The following R3HDM2 variants were observed in gnomAD, a reference collection of about 807,000 sequenced individuals.
The protein encoded by R3HDM2 is R3H domain-containing protein 2.
R3HDM2 carries 38 observed loss-of-function variants against 124.5 expected under a neutral mutation model. The observed-to-expected ratio is 0.31, with a 90% CI of 0.24 to 0.40. R3HDM2 has a LOEUF of 0.40. Ranked by LOEUF, R3HDM2 falls within the 10% of genes least tolerant of loss-of-function variation. R3HDM2 has a pLI of 1.00. For missense variants in R3HDM2, 869 were observed against 1,236.9 expected (o/e 0.70, Z 4.46); for synonymous variants, 391 against 448.0 (o/e 0.87, Z 1.61).
chr12:57,328,170 C>T (rs1205016569), intron 2 of R3HDM2, among the ~76,000 whole-genome samples: 1 of 151,648 alleles, frequency 6.6e-6, no homozygotes, highest in Non-Finnish European at 1.5e-5. Flanking sequence ...CTCCCAGGCT[C>T]AGGCGATCCT....
intron 1 of R3HDM2, among the ~76,000 whole-genome samples, chr12:57,414,039 G>A (rs955874417): frequency 2.7e-5 from 4 of 150,320 alleles, no homozygotes; most frequent in South Asian, 2.1e-4. Flanking sequence ...AGTAGAGAGC[G>A]GGTTTCATCA....
intron 2 of R3HDM2, among the ~76,000 whole-genome samples, chr12:57,389,621 G>A (rs890935084): frequency 1.3e-5 from 2 of 152,126 alleles, no homozygotes; most frequent in Non-Finnish European, 2.9e-5. Context: ...AAATAATAAA[G>A]CTCAGAGAGA....
intron 2 of R3HDM2, among the ~76,000 whole-genome samples, chr12:57,380,597 AC>A (rs1387386354): frequency 2.0e-5 from 3 of 152,206 alleles, no homozygotes; most frequent in Non-Finnish European, 4.4e-5. Context: ...TGATTCCGAA[AC>A]TTGTCTACAA....
intron 14 of R3HDM2, among the ~76,000 whole-genome samples, chr12:57,278,321 C>T (rs1273669430): frequency 6.6e-6 from 1 of 152,142 alleles, no homozygotes; most frequent in Non-Finnish European, 1.5e-5. Flanking sequence ...GGGCCAGTCA[C>T]TTGGACATTC....
At chr12:57,421,161 CTTTT>C (rs58868663) in intron 1 of R3HDM2, among the ~76,000 whole-genome samples, 3 of 119,272 alleles carry the variant, frequency 2.5e-5, no homozygotes, top group African/African-American at 9.4e-5. Flanking sequence ...CTAACAGATT[CTTTT>C]TTTTTTTTTT....
At chr12:57,365,659 GA>G (rs1410191370) in intron 2 of R3HDM2, among the ~76,000 whole-genome samples, 3 of 152,308 alleles carry the variant, frequency 2.0e-5, no homozygotes, top group East Asian at 3.9e-4. Flanking sequence ...GATAAAGCTG[GA>G]AACGGTGGCT....
At chr12:57,268,693 A>T in intron 17 of R3HDM2, 1 of 694,080 alleles carries the variant, frequency 1.4e-6, no homozygotes, top group Non-Finnish European at 2.3e-6. Context: ...TCCTTTAGCC[A>T]CTACTTTCCT....
chr12:57,343,764 T>TAAAA (rs5798403), intron 2 of R3HDM2, among the ~76,000 whole-genome samples: 1 of 111,660 alleles, frequency 9.0e-6, no homozygotes, highest in African/African-American at 3.3e-5. Context: ...TACAAAAGGT[T>TAAAA]AAAAAAAAAA....
At chr12:57,338,752 T>C (rs545267817) in intron 2 of R3HDM2, among the ~76,000 whole-genome samples, 33 of 151,852 alleles carry the variant, frequency 2.2e-4, no homozygotes, top group Non-Finnish European at 3.8e-4. Context: ...CTCTTATGGC[T>C]TCCTCAAAAA....
chr12:57,386,133 G>C (rs2065707703), intron 2 of R3HDM2, among the ~76,000 whole-genome samples: 1 of 146,442 alleles, frequency 6.8e-6, no homozygotes, highest in Non-Finnish European at 1.5e-5. Context: ...ATAGGTTTGA[G>C]AGGTGACAGC....
intron 2 of R3HDM2, among the ~76,000 whole-genome samples, chr12:57,328,396 C>T (rs2057628506): frequency 1.3e-5 from 2 of 152,022 alleles, no homozygotes; most frequent in South Asian, 2.1e-4. Flanking sequence ...CACAGCTACC[C>T]CAACCTTTAG....
chr12:57,393,469 G>T (rs1566470402), intron 2 of R3HDM2, among the ~76,000 whole-genome samples: 1 of 152,044 alleles, frequency 6.6e-6, no homozygotes, highest in East Asian at 1.9e-4. Context: ...AACACAGCAA[G>T]ACCTCATCTC....
intron 22 of R3HDM2, 165 bp from the exon 23 acceptor site, chr12:57,256,239 C>T (rs2038958160): frequency 2.3e-6 from 2 of 876,588 alleles, no homozygotes; most frequent in Admixed American, 2.4e-5. Flanking sequence ...AAGAGCCCCT[C>T]CCTCTTGGCA....
chr12:57,430,668 T>G, intron 1 of R3HDM2, 52 bp downstream of exon 1: 4 of 843,868 alleles, frequency 4.7e-6, no homozygotes, highest in Non-Finnish European at 5.7e-6. Context: ...CCACGCCCCC[T>G]CCCCACAGGC....
Position 57,324,133 on chromosome 12 carries a change from A to G in R3HDM2, c.-35-13670T>C, listed in dbSNP as rs542992914. On this transcript the variant is annotated intron_variant, in intron 2 of 23. Coordinates refer to ENST00000402412, the MANE Select transcript of R3HDM2 (RefSeq NM_001394031.1). ...GCCAGGCAACTACATCTATCCTGCCATAACCGATGACCTTAGAAAGGACAC... is the reference window on the plus strand; with the variant it reads ...GCCAGGCAACTACATCTATCCTGCCGTAACCGATGACCTTAGAAAGGACAC... Among the ~76,000 whole-genome samples the G allele has an allele frequency of 3.3e-5, 5 of 152,244 alleles. No individual in the cohort carries two copies. In the South Asian group the frequency reaches 8.3e-4, roughly 25 times the overall value.
intron 7 of R3HDM2, chr12:57,297,741 C>T (rs1036983836): frequency 5.6e-5 from 20 of 358,154 alleles, no homozygotes; most frequent in Non-Finnish European, 9.6e-5. Flanking sequence ...TATAATTTAG[C>T]TTATGTACAA....
Position 57,345,100 on chromosome 12 carries a change from CT to C in R3HDM2, c.-35-34638del, listed in dbSNP as rs2059959737. Among the ~76,000 whole-genome samples the C allele has an allele frequency of 2.6e-5, 4 of 152,108 alleles. No homozygotes were observed. The South Asian group carries it at 8.3e-4, about 32-fold the overall frequency. The stretch of plus-strand genomic sequence containing the variant: ...CTGCCTGCCTCGGGCTCCCAAAATG[CT>C]GGGATTACAGGCATGAGCCACTGCA... On this transcript the variant is annotated intron_variant, in intron 2 of 23. Coordinates refer to ENST00000402412, the MANE Select transcript of R3HDM2 (RefSeq NM_001394031.1).
chr12:57,358,387 A>G (rs1366901391), intron 2 of R3HDM2, among the ~76,000 whole-genome samples: 1 of 152,164 alleles, frequency 6.6e-6, no homozygotes, highest in East Asian at 1.9e-4. Context: ...CTGTAATCCT[A>G]GTACTTCGGG....
At chr12:57,266,695 T>C (rs767927902) in intron 19 of R3HDM2, 36 bp downstream of exon 19, 1 of 1,491,858 alleles carries the variant, frequency 6.7e-7, no homozygotes, top group Non-Finnish European at 9.3e-7. Flanking sequence ...TTTGCTCTTG[T>C]CAGTGCCCAA....
Sources: gnomAD v4.1 joint callset for allele counts (sites outside exome capture counted in the v4.1 genomes callset) on GRCh38, gnomAD v4.1.1 for gene constraint, MANE v1.5 for transcripts, NCBI Gene and HGNC (gene_info 2026-07-23, HGNC 2026-07-21) for gene names.